GRK7: variants seen among roughly 807,000 people sequenced by gnomAD.
The protein encoded by GRK7 is G protein-coupled receptor kinase 7, also known as rhodopsin kinase GRK7.
In GRK7, 24 loss-of-function variants were observed where a neutral mutation model predicts 34.1. That is an observed-to-expected ratio of 0.70 (90% CI 0.51 to 0.99). GRK7 has a LOEUF of 0.99. Among genes scored for constraint, GRK7 ranks in the 50% least tolerant of loss-of-function variants. GRK7 has a pLI of 0.00. For synonymous variants in GRK7, 256 were observed against 279.4 expected, an observed-to-expected ratio of 0.92 and a Z score of 0.84; for missense variants, 644 against 707.3, an observed-to-expected ratio of 0.91 and a Z score of 1.02.
chr3:141,807,806 G>A lies in GRK7; in HGVS notation c.1212G>A (p.Lys404=). ...AAAAGGTCAGTAAAGAGGATCTGAA[G>A]CAAAGAACTCTGCAAGACGAGGTCA... ...YKEKVSKEDL[K]QRTLQDEVKF... The change falls in exon 5 of 6, where the codon AAG becomes AAA. Residue 404 remains lysine, a synonymous_variant. Transcript: ENST00000682958. The A allele has an allele frequency of 1.2e-6, 2 of 1,614,204 alleles. No homozygotes were observed. The highest frequency in any genetic ancestry group is 1.7e-5 in the Admixed American group (1 of 60,028).
rs116771921 is a variant in GRK7 at position 141,773,233 on chromosome 3, T to C, written c.-214-1347T>C. Among the ~76,000 whole-genome samples, 1,220 of 152,180 alleles carry C rather than the reference T, an allele frequency of 8.0e-3. 26 individuals are homozygous for C. Among genetic ancestry groups the C allele is most frequent in the African/African-American group, 0.027 (1,121 of 41,514 alleles). ...TTAGTCTTCTTTTTGTGGTGGAATA[T>C]AGTAAATTGTTGAGTTACAATAGTG... is the stretch of plus-strand genomic sequence containing the variant. On this transcript the variant is annotated intron_variant, in intron 1 of 5. Transcript: ENST00000682958.
intron 4 of GRK7, among the ~76,000 whole-genome samples, chr3:141,794,919 A>G (rs1199524352): frequency 1.3e-5 from 2 of 152,178 alleles, no homozygotes; most frequent in Non-Finnish European, 2.9e-5. Flanking sequence ...AGGCAAACAA[A>G]GACCCTGAAT....
Position 141,807,861 on chromosome 3 carries a change from G to A in GRK7, c.1267G>A (p.Ala423Thr), listed in dbSNP as rs754321266. 8 of 1,611,250 alleles carry A rather than the reference G, an allele frequency of 5.0e-6. No homozygotes were observed. Among genetic ancestry groups the A allele is most frequent in the East Asian group, 4.5e-5 (2 of 44,856 alleles). The change falls in exon 5 of 6, where the codon GCA becomes ACA. Residue 423 changes from alanine to threonine, a missense_variant. Coordinates refer to ENST00000682958, the MANE Select transcript of GRK7 (RefSeq NM_139209.3). ...KFQHDNFTEE[A>T]KDICRLFLAK... ...CCAGCATGATAACTTCACAGAGGAA[G>A]CAAAAGATATTTGCAGGCTCTTCTT...
At chr3:141,793,432 G>A (rs923366651) in intron 4 of GRK7, among the ~76,000 whole-genome samples, 1 of 152,210 alleles carries the variant, frequency 6.6e-6, no homozygotes. Flanking sequence ...AGAGTATTGT[G>A]GGAGAAACTG....
intron 4 of GRK7, among the ~76,000 whole-genome samples, chr3:141,799,909 C>G (rs1482122812): frequency 6.6e-6 from 1 of 152,178 alleles, no homozygotes; most frequent in African/African-American, 2.4e-5. Flanking sequence ...TACCGAGCAA[C>G]TTAGGTTTAT....
At chr3:141,780,098 A>AT (rs1035908012) in intron 3 of GRK7, among the ~76,000 whole-genome samples, 24 of 152,312 alleles carry the variant, frequency 1.6e-4, no homozygotes, top group African/African-American at 4.3e-4. Context: ...AACTTTCCAC[A>AT]TTTTTTATTC....
intron 5 of GRK7, among the ~76,000 whole-genome samples, chr3:141,811,607 AT>A (rs1007104903): frequency 1.1e-4 from 16 of 151,546 alleles, no homozygotes; most frequent in African/African-American, 2.9e-4. Context: ...ATCTTCCAAC[AT>A]TTTTTTTTCT....
chr3:141,788,719 T>C (rs1346102723), intron 4 of GRK7, among the ~76,000 whole-genome samples: 2 of 152,176 alleles, frequency 1.3e-5, no homozygotes, highest in Non-Finnish European at 2.9e-5. Context: ...ACCTGAGCTC[T>C]TGTCCCAGCT....
chr3:141,780,759 C>G lies in GRK7; in HGVS notation c.998C>G (p.Ser333Cys). 5 of 1,614,200 alleles carry G rather than the reference C, an allele frequency of 3.1e-6. No homozygotes were observed. The highest frequency in any genetic ancestry group is 4.2e-6 in the Non-Finnish European group (5 of 1,180,046). ...GATGACCTCGGCAACTGCAGGTTAT[C>G]TGACCTGGGGCTGGCCGTGGAGATG... ...LLDDLGNCRL[S>C]DLGLAVEMKG... Residue 333 changes from serine to cysteine, a missense_variant, in exon 4 of 6, where the codon TCT (serine) becomes TGT (cysteine). Physicochemically the swap from Ser to Cys is moderately radical, Grantham distance 112. Coordinates refer to ENST00000682958, the MANE Select transcript of GRK7 (RefSeq NM_139209.3).
At chr3:141,750,911 C>A in the GRK7 span, among the ~76,000 whole-genome samples, 1 of 152,034 alleles carries the variant, frequency 6.6e-6, no homozygotes, top group Non-Finnish European at 1.5e-5. Context: ...GTGGCACACA[C>A]CTGCAGTCTC....
chr3:141,796,087 G>A (rs1254222849), intron 4 of GRK7, among the ~76,000 whole-genome samples: 1 of 152,198 alleles, frequency 6.6e-6, no homozygotes, highest in Non-Finnish European at 1.5e-5. Context: ...GCAGGTCAAG[G>A]AGAAAGGAGC....
At chr3:141,812,313 A>G (rs1188576724) in intron 5 of GRK7, among the ~76,000 whole-genome samples, 1 of 152,200 alleles carries the variant, frequency 6.6e-6, no homozygotes, top group Non-Finnish European at 1.5e-5. Context: ...AGCCTCTCCT[A>G]TTTGTTCAAA....
intron 5 of GRK7, among the ~76,000 whole-genome samples, chr3:141,810,909 T>C (rs1711086492): frequency 6.6e-6 from 1 of 152,134 alleles, no homozygotes; most frequent in African/African-American, 2.4e-5. Context: ...TCAAGTTCAG[T>C]GAGTATCCAA....
chr3:141,804,043 C>T (rs964988719), intron 4 of GRK7, among the ~76,000 whole-genome samples: 4 of 152,210 alleles, frequency 2.6e-5, no homozygotes, highest in Non-Finnish European at 5.9e-5. Context: ...AAATAATACT[C>T]CTTGTATATC....
intron 4 of GRK7, among the ~76,000 whole-genome samples, chr3:141,790,520 A>C (rs1453814517): frequency 6.6e-6 from 1 of 151,500 alleles, no homozygotes; most frequent in Non-Finnish European, 1.5e-5. Context: ...TCTTACCCAT[A>C]GGTGCAGCAC....
chr3:141,775,791 GT>G (rs72187047), intron 2 of GRK7, among the ~76,000 whole-genome samples: 12,417 of 147,872 alleles, frequency 0.084, 596 homozygotes, highest in East Asian at 0.14. Flanking sequence ...AATTTCGCCT[GT>G]TTTTTTTTTA....
chr3:141,806,328 C>T (rs747594900), intron 4 of GRK7, among the ~76,000 whole-genome samples: 10 of 152,106 alleles, frequency 6.6e-5, no homozygotes, highest in South Asian at 2.1e-4. Flanking sequence ...TTTGGGAGGC[C>T]GAGGCGGGAG....
chr3:141,762,712 G>A (rs1381078432), upstream of GRK7, among the ~76,000 whole-genome samples: 1 of 152,060 alleles, frequency 6.6e-6, no homozygotes, highest in Non-Finnish European at 1.5e-5. Flanking sequence ...CCCTCCCCCA[G>A]CCTCGCTGCC....
intron 4 of GRK7, among the ~76,000 whole-genome samples, chr3:141,804,635 TCACA>T (rs1200282880): frequency 1.4e-5 from 2 of 145,062 alleles, no homozygotes; most frequent in African/African-American, 2.6e-5. Flanking sequence ...ATACACACAC[TCACA>T]CACATGCACA....
Sources: gnomAD v4.1 joint callset for allele counts (sites outside exome capture counted in the v4.1 genomes callset) on GRCh38, gnomAD v4.1.1 for gene constraint, MANE v1.5 for transcripts, NCBI Gene and HGNC (gene_info 2026-07-23, HGNC 2026-07-21) for gene names.